The following LDB2 variants were observed in gnomAD, a reference collection of about 807,000 sequenced individuals.
LDB2 encodes LIM domain binding 2, also known as LIM domain-binding protein 2.
In LDB2, 12 loss-of-function variants were observed where a neutral mutation model predicts 44.3. That is an observed-to-expected ratio of 0.27 (90% CI 0.17 to 0.44). The LOEUF is 0.44. Ranked by LOEUF, LDB2 falls within the 20% of genes least tolerant of loss-of-function variation. The probability of loss-of-function intolerance (pLI) is 1.00; values close to 1 mark genes in which losing one functional copy is unlikely to be tolerated. For synonymous variants in LDB2, 164 were observed against 174.8 expected (o/e 0.94, Z 0.49); for missense variants, 344 against 473.5 (o/e 0.73, Z 2.54).
intron 2 of LDB2, among the ~76,000 whole-genome samples, chr4:16,699,486 T>G (rs1752936050): frequency 6.6e-6 from 1 of 152,200 alleles, no homozygotes; most frequent in Non-Finnish European, 1.5e-5. Context: ...CCAATACCAT[T>G]TTCCACTGAC....
chr4:16,618,870 T>G (rs1251671812), intron 2 of LDB2, among the ~76,000 whole-genome samples: 1 of 152,146 alleles, frequency 6.6e-6, no homozygotes, highest in Non-Finnish European at 1.5e-5. Context: ...CTCATGATAG[T>G]CAGTTCTCAC....
intron 1 of LDB2, among the ~76,000 whole-genome samples, chr4:16,867,546 G>C (rs954298772): frequency 6.6e-6 from 1 of 152,082 alleles, no homozygotes; most frequent in African/African-American, 2.4e-5. Context: ...GAACCACTAA[G>C]GTACAGGATA....
chr4:16,596,725 G>T (rs1251475238), intron 2 of LDB2, among the ~76,000 whole-genome samples: 1 of 152,134 alleles, frequency 6.6e-6, no homozygotes, highest in Non-Finnish European at 1.5e-5. Context: ...GTCTAAATTG[G>T]TCTCTTTCAT....
chr4:16,833,789 C>G (rs1485501891), intron 1 of LDB2, among the ~76,000 whole-genome samples: 2 of 152,160 alleles, frequency 1.3e-5, no homozygotes, highest in African/African-American at 4.8e-5. Flanking sequence ...GATCCACCCG[C>G]TTTAGCTCCC....
At chr4:16,897,892 G>GAA (rs1369845460) in intron 1 of LDB2, among the ~76,000 whole-genome samples, 1 of 43,008 alleles carries the variant, frequency 2.3e-5, no homozygotes, top group African/African-American at 6.2e-5. Flanking sequence ...TTGTAAAAAA[G>GAA]AAAATATATA....
At chr4:16,550,121 A>AGGCC (rs1737147730) in intron 5 of LDB2, among the ~76,000 whole-genome samples, 1 of 152,238 alleles carries the variant, frequency 6.6e-6, no homozygotes, top group Non-Finnish European at 1.5e-5. Flanking sequence ...TAAACATGTT[A>AGGCC]GGCCTCATTC....
At position 16,771,256 on chromosome 4, in the gene LDB2, AT is replaced by A. The variant is rs1770601628; in HGVS notation, c.133-11997del. 5.3e-5 allele frequency among the ~76,000 whole-genome samples: 8 copies of A among 152,264 alleles called. No homozygotes were observed. The South Asian group carries it at 1.7e-3, about 32-fold the overall frequency. ...CCTACTTGGAAAAAATGAAAAAAAA[AT>A]TTTTGTTCACAAAGACAAATATAAG... is the stretch of plus-strand genomic sequence containing the variant. On this transcript the variant is annotated intron_variant, in intron 1 of 7. Transcript: ENST00000304523.
intron 2 of LDB2, among the ~76,000 whole-genome samples, chr4:16,756,413 A>C (rs186080686): frequency 1.3e-5 from 2 of 152,228 alleles, no homozygotes; most frequent in East Asian, 3.9e-4. Context: ...AGATCACACC[A>C]CTGCACCCCA....
intron 1 of LDB2, among the ~76,000 whole-genome samples, chr4:16,886,182 G>A (rs10019562): frequency 0.081 from 12,315 of 151,966 alleles, 1,610 homozygotes; most frequent in African/African-American, 0.28. Context: ...TGGAGCCACC[G>A]CACTCCAGCC....
intron 5 of LDB2, among the ~76,000 whole-genome samples, chr4:16,583,529 C>T (rs1053413755): frequency 1.3e-5 from 2 of 152,190 alleles, no homozygotes; most frequent in African/African-American, 4.8e-5. Flanking sequence ...CAACTTTATA[C>T]ATGAATGTAT....
intron 1 of LDB2, among the ~76,000 whole-genome samples, chr4:16,864,786 G>T (rs563279926): frequency 2.0e-5 from 3 of 151,948 alleles, no homozygotes; most frequent in African/African-American, 7.3e-5. Context: ...TTAGCTGGGC[G>T]TGGTGGCGGG....
intron 2 of LDB2, among the ~76,000 whole-genome samples, chr4:16,671,640 G>A (rs974109210): frequency 1.3e-5 from 2 of 152,158 alleles, no homozygotes; most frequent in African/African-American, 4.8e-5. Context: ...CTTGGACACA[G>A]AACTCAGACC....
chr4:16,798,308 C>T (rs760950783), intron 1 of LDB2, among the ~76,000 whole-genome samples: 18 of 152,042 alleles, frequency 1.2e-4, no homozygotes, highest in Non-Finnish European at 1.3e-4. Context: ...GAAGTGAGTT[C>T]AAGTAACTTG....
intron 5 of LDB2, among the ~76,000 whole-genome samples, chr4:16,580,452 G>T (rs1713921002): frequency 6.6e-6 from 1 of 152,208 alleles, no homozygotes; most frequent in African/African-American, 2.4e-5. Flanking sequence ...CCCCAGATGA[G>T]ACTGACAATA....
In LDB2 at chr4:16,813,613, A is replaced by G. The variant is rs540802994; in HGVS notation, c.133-54353T>C. Among the ~76,000 whole-genome samples, 8 of 152,246 alleles carry G rather than the reference A, an allele frequency of 5.3e-5. No homozygotes were observed. The South Asian group carries it at 1.7e-3, about 32-fold the overall frequency. ...TTTTTCATTTACAAAACACTCTTAG[A>G]TACATTATCTTCTACAGTCCCCCCA... On this transcript the variant is annotated intron_variant, in intron 1 of 7. Coordinates refer to ENST00000304523, the MANE Select transcript of LDB2 (RefSeq NM_001290.5).
intron 1 of LDB2, among the ~76,000 whole-genome samples, chr4:16,868,637 C>T (rs1164843264): frequency 1.3e-5 from 2 of 152,222 alleles, no homozygotes; most frequent in African/African-American, 4.8e-5. Flanking sequence ...ACCCACACTT[C>T]TCCTTTCAAA....
chr4:16,846,113 C>CAA lies in LDB2; in HGVS notation c.132+52239_132+52240dup, dbSNP rs374522770. On this transcript the variant is annotated intron_variant, in intron 1 of 7. Coordinates refer to ENST00000304523, the MANE Select transcript of LDB2 (RefSeq NM_001290.5). ...TGGGCGACAGAGCAAGACTCTGTCTCAAAAAAAAAAAAAAAAAGTTAATAA... is the reference window on the plus strand; with the variant it reads ...TGGGCGACAGAGCAAGACTCTGTCTCAAAAAAAAAAAAAAAAAAAGTTAATAA... Among the ~76,000 whole-genome samples the CAA allele has an allele frequency of 3.4e-3, 378 of 111,732 alleles. 8 individuals carry two copies. In the East Asian group the frequency reaches 0.051, roughly 15 times the overall value. 73.3% of individuals were successfully genotyped at this position (111,732 alleles called of 152,430 possible). A position where few individuals can be genotyped will look rare whatever the true frequency, so the allele number is the denominator to read the frequency against.
At chr4:16,741,270 A>G (rs1561062934) in intron 2 of LDB2, among the ~76,000 whole-genome samples, 1 of 152,242 alleles carries the variant, frequency 6.6e-6, no homozygotes, top group East Asian at 1.9e-4. Context: ...TAGTTGTGAT[A>G]TATTCATTCA....
At chr4:16,748,002 C>T (rs912874880) in intron 2 of LDB2, among the ~76,000 whole-genome samples, 4 of 152,108 alleles carry the variant, frequency 2.6e-5, no homozygotes, top group African/African-American at 9.7e-5. Flanking sequence ...ATAAGTCAGA[C>T]ATAATGTATT....
Sources: allele counts gnomAD v4.1 joint callset (sites outside exome capture counted in the v4.1 genomes callset), GRCh38; gene constraint gnomAD v4.1.1; transcripts MANE v1.5; gene names NCBI Gene and HGNC (gene_info 2026-07-23, HGNC 2026-07-21).